Variants in MARK2 observed in about 807,000 individuals in gnomAD.
MARK2 encodes serine/threonine-protein kinase MARK2.
MARK2 carries 16 observed loss-of-function variants against 89.8 expected under a neutral mutation model. That is an observed-to-expected ratio of 0.18 (90% CI 0.12 to 0.27). MARK2 has a LOEUF of 0.27. Ranked by LOEUF, MARK2 falls within the 10% of genes least tolerant of loss-of-function variation. The pLI, the probability that MARK2 is intolerant of heterozygous loss-of-function variation, is 1.00. For missense variants in MARK2, 621 were observed against 1,049.9 expected (o/e 0.59, Z 5.65); for synonymous variants, 382 against 399.5 (o/e 0.96, Z 0.52).
rs1361266365 is a variant in MARK2, at chr11:63,893,722, T to C, written c.55-1437T>C. On this transcript the variant is annotated intron_variant, in intron 1 of 18. Coordinates refer to ENST00000402010, the MANE Select transcript of MARK2 (RefSeq NM_001039469.3). ...CAAAATGCTCCAAAATCTAAACTTT[T>C]TGAGTGCCAGCATGATGCCACAAGT... Among the ~76,000 whole-genome samples the C allele has an allele frequency of 2.0e-5, 3 of 152,324 alleles. No homozygotes were observed. In the South Asian group the frequency reaches 6.2e-4, roughly 32 times the overall value.
At chr11:63,884,450 G>A (rs900001817) in intron 1 of MARK2, among the ~76,000 whole-genome samples, 6 of 152,248 alleles carry the variant, frequency 3.9e-5, no homozygotes, top group Non-Finnish European at 7.3e-5. Flanking sequence ...CATGGCCCAG[G>A]CTGCAGTGCT....
chr11:63,890,105 C>T, intron 1 of MARK2: 2 of 480,630 alleles, frequency 4.2e-6, no homozygotes, highest in Non-Finnish European at 7.6e-6. Context: ...CCTCTTTATC[C>T]TTCAGGGAAG....
intron 1 of MARK2, among the ~76,000 whole-genome samples, chr11:63,884,572 A>C (rs1035339248): frequency 6.6e-6 from 1 of 152,236 alleles, no homozygotes; most frequent in African/African-American, 2.4e-5. Context: ...TCCTTTGTGA[A>C]GGAGGCTCTT....
At position 63,900,580 on chromosome 11, in the gene MARK2, A is replaced by T; in HGVS notation, c.790A>T (p.Arg264Trp). 6.2e-7 allele frequency: 1 copy of T among 1,614,062 alleles called. No homozygotes were observed. The highest frequency in any genetic ancestry group is 8.5e-7 in the Non-Finnish European group (1 of 1,179,998). Residue 264 changes from arginine (R) to tryptophan (W), a missense_variant, in exon 9 of 19, where the codon AGG becomes TGG. Physicochemically the swap from Arg to Trp is moderately radical, Grantham distance 101. This residue lies in a region of MARK2 where 82 missense variants were observed against 287.7 expected (regional missense o/e 0.29). Coordinates refer to ENST00000402010, the MANE Select transcript of MARK2 (RefSeq NM_001039469.3). This position sits in a 1 kb window ranked among gnomAD's most constrained non-coding sequence, Gnocchi z 4.7. ...NLKELRERVL[R>W]GKYRIPFYMS... ...GCAGGAGCTGCGGGAACGGGTACTG[A>T]GGGGAAAATACCGTATTCCATTCTA...
At chr11:63,841,672 A>C (rs563310864) in intron 1 of MARK2, among the ~76,000 whole-genome samples, 88 of 152,324 alleles carry the variant, frequency 5.8e-4, no homozygotes, top group Admixed American at 4.4e-3. Context: ...CAAGTGACTG[A>C]CTGGCACCCT....
intron 1 of MARK2, among the ~76,000 whole-genome samples, chr11:63,874,781 G>A (rs1280228557): frequency 6.6e-6 from 1 of 152,200 alleles, no homozygotes; most frequent in Non-Finnish European, 1.5e-5. Context: ...ATCAGCGTTA[G>A]ATACCACGGT....
At chr11:63,906,184 T>C (rs1186490745) in intron 17 of MARK2, 70 bp downstream of exon 17, 3 of 1,251,034 alleles carry the variant, frequency 2.4e-6, no homozygotes, top group Admixed American at 8.2e-5. Flanking sequence ...CCTCCATCAC[T>C]AACTCCCCTT....
At chr11:63,880,154 T>C (rs1939007578) in intron 1 of MARK2, 1 of 150,518 alleles carries the variant, frequency 6.6e-6, no homozygotes. Flanking sequence ...TAAGATCTCA[T>C]GCTTCTTTTT....
In MARK2 at chr11:63,900,840, G is replaced by A. The variant is rs200346312; in HGVS notation, c.949G>A (p.Val317Met). Reference protein sequence around the residue: ...GHEDDELKPYVEPLPDYKDPR... With the variant: ...GHEDDELKPYMEPLPDYKDPR... ...CGAAGATGATGAACTAAAGCCTTACGTGGAGCCACTCCCTGACTACAAGGA... is the reference window on the plus strand; with the variant it reads ...CGAAGATGATGAACTAAAGCCTTACATGGAGCCACTCCCTGACTACAAGGA... The change falls in exon 10 of 19, where the codon GTG becomes ATG. Residue 317 changes from valine to methionine, a missense_variant. By Grantham distance (21) the Val-to-Met change is conservative. Coordinates refer to ENST00000402010, the MANE Select transcript of MARK2 (RefSeq NM_001039469.3). This position sits in a 1 kb window ranked among gnomAD's most constrained non-coding sequence, Gnocchi z 4.7. The A allele has an allele frequency of 6.2e-6, 10 of 1,614,062 alleles. No homozygotes were observed. The highest frequency in any genetic ancestry group is 1.7e-5 in the Admixed American group (1 of 59,998).
In MARK2 at chr11:63,875,572, C is replaced by G. The variant is rs1938700173; in HGVS notation, c.55-19587C>G. Reference sequence around the variant, plus strand: ...CAACTTTCATTCCTTCTTTATCACCCTAAAATTTCTAGTTCTGGCGTCTTG... The same window carrying G: ...CAACTTTCATTCCTTCTTTATCACCGTAAAATTTCTAGTTCTGGCGTCTTG... On this transcript the variant is annotated intron_variant, in intron 1 of 18. Coordinates refer to ENST00000402010, the MANE Select transcript of MARK2 (RefSeq NM_001039469.3). Among the ~76,000 whole-genome samples, 4 of 152,270 alleles carry G rather than the reference C, an allele frequency of 2.6e-5. No homozygotes were observed. The South Asian group carries it at 6.2e-4, about 24-fold the overall frequency.
intron 11 of MARK2, among the ~76,000 whole-genome samples, chr11:63,901,856 G>A (rs921801419): frequency 3.9e-5 from 6 of 152,058 alleles, no homozygotes; most frequent in Admixed American, 3.9e-4. Flanking sequence ...CTGGTGGTGG[G>A]ATCCTTAAGA....
In MARK2 at chr11:63,901,010, G is replaced by T; in HGVS notation, c.1042G>T (p.Gly348Cys). The change falls in exon 11 of 19, where the codon GGC becomes TGC. Residue 348 changes from glycine to cysteine, a missense_variant. Gly to Cys is a radical substitution (Grantham distance 159, BLOSUM62 -3). Around this residue, in one of 5 missense-constraint regions of MARK2, gnomAD observed 397 missense variants for 567.8 expected, o/e 0.70. Coordinates refer to ENST00000402010, the MANE Select transcript of MARK2 (RefSeq NM_001039469.3). ...GGAAGAGATCCAGGACTCGCTGGTG[G>T]GCCAGAGATACAACGAGGTGATGGC... ...TREEIQDSLV[G>C]QRYNEVMATY... The T allele has an allele frequency of 1.2e-6, 2 of 1,614,158 alleles. No individual in the cohort carries two copies. Among genetic ancestry groups the T allele is most frequent in the Non-Finnish European group, 8.5e-7 (1 of 1,180,006 alleles).
At chr11:63,852,044 G>T (rs1223313505) in intron 1 of MARK2, among the ~76,000 whole-genome samples, 1 of 152,170 alleles carries the variant, frequency 6.6e-6, no homozygotes, top group Non-Finnish European at 1.5e-5. Context: ...TCAAAATTCT[G>T]TTCATAGTAA....
chr11:63,871,313 T>C (rs1249122673), intron 1 of MARK2, among the ~76,000 whole-genome samples: 3 of 152,126 alleles, frequency 2.0e-5, no homozygotes, highest in African/African-American at 7.2e-5. Flanking sequence ...CTAAAGAGTA[T>C]TCACTGTGTG....
chr11:63,891,126 T>C (rs546940306), intron 1 of MARK2, among the ~76,000 whole-genome samples: 1 of 152,230 alleles, frequency 6.6e-6, no homozygotes, highest in East Asian at 1.9e-4. Flanking sequence ...GTATTGCCTT[T>C]TTAAATATAT....
chr11:63,855,860 T>C (rs528353190), intron 1 of MARK2, among the ~76,000 whole-genome samples: 141 of 152,210 alleles, frequency 9.3e-4, no homozygotes, highest in African/African-American at 3.2e-3. Flanking sequence ...GCTACTCTTG[T>C]GGTGAAATTT....
intron 1 of MARK2, among the ~76,000 whole-genome samples, chr11:63,847,532 A>G (rs183721098): frequency 3.9e-4 from 59 of 152,172 alleles, no homozygotes; most frequent in Middle Eastern, 3.4e-3. Flanking sequence ...GCCTTGGCCT[A>G]TTTTCTTGTG....
intron 1 of MARK2, among the ~76,000 whole-genome samples, chr11:63,881,951 A>G (rs1297694518): frequency 1.3e-5 from 2 of 152,102 alleles, no homozygotes; most frequent in South Asian, 2.1e-4. Flanking sequence ...GCAAGACTTC[A>G]TCTCACAAAA....
At chr11:63,907,775 C>T (rs1243360986) in intron 17 of MARK2, among the ~76,000 whole-genome samples, 2 of 152,244 alleles carry the variant, frequency 1.3e-5, no homozygotes. Flanking sequence ...AGCCACGGCC[C>T]CTCCTCCTAC....
Sources: allele counts gnomAD v4.1 joint callset (sites outside exome capture counted in the v4.1 genomes callset), GRCh38; gene constraint gnomAD v4.1.1; regional missense constraint gnomAD v4.1.1; non-coding constraint Gnocchi (gnomAD v3.1); transcripts MANE v1.5; gene names NCBI Gene and HGNC (gene_info 2026-07-23, HGNC 2026-07-21).